MGAT4B: variants seen among roughly 807,000 people sequenced by gnomAD.
MGAT4B encodes alpha-1,3-mannosyl-glycoprotein 4-beta-N-acetylglucosaminyltransferase B, also known as N-acetylglucosaminyltransferase IVb.
A neutral mutation model predicts 73.9 loss-of-function variants in MGAT4B; 38 were observed. That is an observed-to-expected ratio of 0.51 (90% CI 0.40 to 0.67). The LOEUF (loss-of-function observed/expected upper bound fraction) is 0.67, where lower values mean the gene tolerates loss of function less well. Among genes scored for constraint, MGAT4B ranks in the 30% least tolerant of loss-of-function variants. The probability of loss-of-function intolerance (pLI) is 0.00; values close to 1 mark genes in which losing one functional copy is unlikely to be tolerated. For missense variants in MGAT4B, 686 were observed against 735.2 expected, an observed-to-expected ratio of 0.93 and a Z score of 0.77; for synonymous variants, 373 against 313.5, an observed-to-expected ratio of 1.19 and a Z score of -2.01.
Position 179,801,891 on chromosome 5 carries a change from T to G in MGAT4B, c.176A>C (p.Lys59Thr), listed in dbSNP as rs78450232. The part of the protein sequence containing the change: ...RLHAAEQESL[K>T]RSKELNLVLD... ...CACCAGGTTGAGCTCCTTGGAGCGC[T>G]TGAGGCTCTCCTGCTCAGCTGCGTG... The change falls in exon 2 of 15, where the codon AAG (lysine) becomes ACG (threonine). Residue 59 changes from lysine to threonine, a missense_variant. Lys to Thr is a moderately conservative substitution (Grantham distance 78). Transcript: ENST00000292591. This position sits in a 1 kb window ranked among gnomAD's most constrained non-coding sequence, Gnocchi z 4.8. 6.2e-7 allele frequency: 1 copy of G among 1,613,168 alleles called. No homozygotes were observed. The highest frequency in any genetic ancestry group is 2.2e-5 in the East Asian group (1 of 44,860).
chr5:179,800,808 T>C, intron 5 of MGAT4B, 99 bp downstream of exon 5: 2 of 1,349,664 alleles, frequency 1.5e-6, no homozygotes, highest in South Asian at 1.2e-5. Context: ...CCCCACGAGA[T>C]AGGAAAGGCA....
Position 179,797,866 on chromosome 5 carries a change from G to A in MGAT4B, c.*179C>T. The A allele has an allele frequency of 1.2e-6, 1 of 852,060 alleles. No individual in the cohort carries two copies. Among genetic ancestry groups the A allele is most frequent in the Non-Finnish European group, 1.8e-6 (1 of 568,248 alleles). The allele number at this position is 852,060 out of a possible 1,614,324, so 52.8% of individuals were successfully genotyped here. On this transcript the variant is annotated 3_prime_UTR_variant, in exon 15 of 15. Coordinates refer to ENST00000292591, the MANE Select transcript of MGAT4B (RefSeq NM_014275.5). Reference sequence around the variant, plus strand: ...GCCTCCTCCGCGGCCCGGCGGGCGGGGGCAGCACCAGCTCCTAGGGCCTCC... The same window carrying A: ...GCCTCCTCCGCGGCCCGGCGGGCGGAGGCAGCACCAGCTCCTAGGGCCTCC...
chr5:179,802,670 C>T, intron 1 of MGAT4B: 1 of 986,292 alleles, frequency 1.0e-6, no homozygotes, highest in Non-Finnish European at 1.2e-6. Flanking sequence ...CCAGGGGGCC[C>T]CTGTCAGAAC....
rs776749952 is a variant in MGAT4B at position 179,801,917 on chromosome 5, C to T, written c.150G>A (p.Leu50=). The change falls in exon 2 of 15, where the codon TTG becomes TTA. Residue 50 remains leucine (L), a synonymous_variant. Coordinates refer to ENST00000292591, the MANE Select transcript of MGAT4B (RefSeq NM_014275.5). This position sits in a 1 kb window ranked among gnomAD's most constrained non-coding sequence, Gnocchi z 4.8. ...TGAGGCTCTCCTGCTCAGCTGCGTG[C>T]AACCGATCGCGCAGCGCCAGGAACT... ...QREFLALRDR[L]HAAEQESLKR... is the part of the protein sequence containing the mutation. 21 of 1,613,358 alleles carry T rather than the reference C, an allele frequency of 1.3e-5. No individual in the cohort carries two copies. The South Asian group carries it at 2.2e-4, about 17-fold the overall frequency.
chr5:179,799,341 G>A lies in MGAT4B; in HGVS notation c.1042-31C>T, dbSNP rs200398846. ...GAGGGTGGGCAACACCCCAGGGCTC[G>A]GCTTAGCCCTCCTTCCTCAACACGG... is the stretch of plus-strand genomic sequence containing the variant. On this transcript the variant is annotated intron_variant, in intron 9 of 14. Transcript: ENST00000292591. 238 of 1,608,196 alleles carry A rather than the reference G, an allele frequency of 1.5e-4. No individual in the cohort carries two copies. In the East Asian group the frequency reaches 3.3e-3, roughly 22 times the overall value.
chr5:179,802,729 G>T, intron 1 of MGAT4B: 1 of 985,674 alleles, frequency 1.0e-6, no homozygotes, highest in Non-Finnish European at 1.2e-6. Flanking sequence ...GGGCAGCACA[G>T]AGGTGGGGCT....
chr5:179,801,499 G>T lies in MGAT4B; in HGVS notation c.425-32C>A. The T allele has an allele frequency of 6.2e-7, 1 of 1,601,894 alleles. No individual in the cohort carries two copies. The highest frequency in any genetic ancestry group is 8.5e-7 in the Non-Finnish European group (1 of 1,171,818). On this transcript the variant is annotated intron_variant, in intron 3 of 14. Coordinates refer to ENST00000292591, the MANE Select transcript of MGAT4B (RefSeq NM_014275.5). The surrounding 1 kb of genome is among the most constrained non-coding windows in gnomAD (Gnocchi z 4.8). ...GGGACGGAGGCCCGACGCTGGAAAG[G>T]GTGCGGGGGCCACCCGTCCCCCCAC...
chr5:179,802,513 G>A (rs1225002742), intron 1 of MGAT4B: 2 of 1,011,712 alleles, frequency 2.0e-6, no homozygotes, highest in Non-Finnish European at 2.4e-6. Flanking sequence ...TCATTGCTCA[G>A]GTGAGCAAAT....
At chr5:179,799,342 G>T (rs372856382) in intron 9 of MGAT4B, 32 bp from the exon 10 acceptor site, 158 of 1,609,676 alleles carry the variant, frequency 9.8e-5, no homozygotes, top group Non-Finnish European at 1.3e-4. Context: ...CCAGGGCTCG[G>T]CTTAGCCCTC....
chr5:179,803,318 TA>T, intron 1 of MGAT4B: 1 of 967,446 alleles, frequency 1.0e-6, no homozygotes, highest in Non-Finnish European at 1.2e-6. Context: ...GGAGTCAGAT[TA>T]CTGGCTCTGC....
intron 1 of MGAT4B, chr5:179,805,157 C>A (rs1757089302): frequency 6.6e-6 from 1 of 152,298 alleles, no homozygotes; most frequent in African/African-American, 2.4e-5. Flanking sequence ...TGGCTCCTGA[C>A]ATCAATCCGC....
chr5:179,802,220 G>A (rs1218745067), intron 1 of MGAT4B: 2 of 1,458,842 alleles, frequency 1.4e-6, no homozygotes, highest in Non-Finnish European at 1.8e-6. Flanking sequence ...TTTATCCTCT[G>A]AGAAGGCATC....
intron 1 of MGAT4B, 120 bp from the exon 2 acceptor site, chr5:179,802,089 C>T (rs1257588021): frequency 6.4e-7 from 1 of 1,572,414 alleles, no homozygotes; most frequent in Admixed American, 1.8e-5. Context: ...GACATCTGTT[C>T]TTGTGCCTGC....
intron 1 of MGAT4B, among the ~76,000 whole-genome samples, chr5:179,804,110 G>A (rs989986429): frequency 2.0e-5 from 3 of 152,366 alleles, no homozygotes; most frequent in Middle Eastern, 3.4e-3. Flanking sequence ...CCCTGGAGGC[G>A]AGTCATTAGG....
chr5:179,801,198 C>T lies in MGAT4B; in HGVS notation c.558+136G>A. ...GGTGCCAGAAAGCCCTTTCAACTTT[C>T]TATCTCGGAGCATTTGCGAATGAAA... On this transcript the variant is annotated intron_variant, in intron 4 of 14. Coordinates refer to ENST00000292591, the MANE Select transcript of MGAT4B (RefSeq NM_014275.5). This position sits in a 1 kb window ranked among gnomAD's most constrained non-coding sequence, Gnocchi z 4.8. The T allele has an allele frequency of 7.4e-7, 1 of 1,342,812 alleles. No individual in the cohort carries two copies. Among genetic ancestry groups the T allele is most frequent in the Non-Finnish European group, 1.0e-6 (1 of 1,002,948 alleles). The allele number at this position is 1,342,812 out of a possible 1,614,324, so 83.2% of individuals were successfully genotyped here.
At chr5:179,804,511 G>A (rs1757062749) in intron 1 of MGAT4B, among the ~76,000 whole-genome samples, 1 of 152,226 alleles carries the variant, frequency 6.6e-6, no homozygotes, top group Non-Finnish European at 1.5e-5. Flanking sequence ...CAGAGCTGCT[G>A]CACGGGCTAG....
chr5:179,804,477 C>G (rs1379255775), intron 1 of MGAT4B, among the ~76,000 whole-genome samples: 1 of 152,186 alleles, frequency 6.6e-6, no homozygotes, highest in Non-Finnish European at 1.5e-5. Context: ...GGTGCTTGAC[C>G]GAGGGCCACA....
intron 1 of MGAT4B, chr5:179,802,894 C>T (rs1757008107): frequency 1.0e-6 from 1 of 985,436 alleles, no homozygotes; most frequent in Non-Finnish European, 1.2e-6. Flanking sequence ...GCCTACAAGG[C>T]CTTCTGTTTC....
rs1445786043 is a variant in MGAT4B, at chr5:179,806,240, C to T, written c.97+247G>A. 1.2e-5 allele frequency: 2 copies of T among 169,468 alleles called. No individual in the cohort carries two copies. Among genetic ancestry groups the T allele is most frequent in the African/African-American group, 4.8e-5 (2 of 41,654 alleles). 10.5% of individuals were successfully genotyped at this position (169,468 alleles called of 1,614,324 possible). ...AGAACCCCACGGGTCCCCAGCTCAG[C>T]GTCGGGACAGCTGCGCCCGCGGAGT... On this transcript the variant is annotated intron_variant, in intron 1 of 14. Transcript: ENST00000292591. The surrounding 1 kb of genome is among the most constrained non-coding windows in gnomAD (Gnocchi z 4.6).
Sources: gnomAD v4.1 joint callset for allele counts (sites outside exome capture counted in the v4.1 genomes callset) on GRCh38, gnomAD v4.1.1 for gene constraint, Gnocchi (gnomAD v3.1) non-coding constraint, MANE v1.5 for transcripts, NCBI Gene and HGNC (gene_info 2026-07-23, HGNC 2026-07-21) for gene names.